Variants in BCAS3 observed in about 807,000 individuals in gnomAD.
BCAS3 encodes BCAS3 microtubule associated cell migration factor.
Under a neutral mutation model 116.1 loss-of-function variants are expected in BCAS3, and 53 were observed. That is an observed-to-expected ratio of 0.46 (90% CI 0.37 to 0.57). BCAS3 has a LOEUF of 0.57. Ranked by LOEUF, BCAS3 falls within the 20% of genes least tolerant of loss-of-function variation. The pLI is 0.00. For missense variants in BCAS3, 917 were observed against 1,165.4 expected (o/e 0.79, Z 3.10); for synonymous variants, 391 against 408.2 (o/e 0.96, Z 0.51).
intron 22 of BCAS3, among the ~76,000 whole-genome samples, chr17:61,317,044 C>G (rs1454470586): frequency 6.6e-6 from 1 of 152,152 alleles, no homozygotes; most frequent in African/African-American, 2.4e-5. Context: ...GTAGCATATA[C>G]AAAAATTCCG....
In BCAS3 at chr17:61,040,864, A is replaced by C. The variant is rs751278876; in HGVS notation, c.2001A>C (p.Val667=). 1.2e-6 allele frequency: 2 copies of C among 1,613,958 alleles called. No homozygotes were observed. Among genetic ancestry groups the C allele is most frequent in the Non-Finnish European group, 1.7e-6 (2 of 1,179,978 alleles). The change falls in exon 19 of 24, where the codon GTA becomes GTC. Residue 667 remains valine (V), a synonymous_variant. Coordinates refer to ENST00000407086, the MANE Select transcript of BCAS3 (RefSeq NM_017679.5). ...CTCTGCTCCTCGCTGCAGATGCAGTACAGTATTATCAGTTCCTGCTTGCTG... is the reference window on the plus strand; with the variant it reads ...CTCTGCTCCTCGCTGCAGATGCAGTCCAGTATTATCAGTTCCTGCTTGCTG... ...NHPLLLAADA[V]QYYQFLLAGL... is the part of the protein sequence containing the mutation.
chr17:60,783,344 A>G (rs1156903965), intron 6 of BCAS3, among the ~76,000 whole-genome samples: 1 of 152,162 alleles, frequency 6.6e-6, no homozygotes, highest in African/African-American at 2.4e-5. Context: ...AGCTGGGACT[A>G]CAGGTGCACA....
At chr17:61,240,387 A>T (rs1457606202) in intron 22 of BCAS3, among the ~76,000 whole-genome samples, 2 of 152,228 alleles carry the variant, frequency 1.3e-5, no homozygotes, top group Non-Finnish European at 2.9e-5. Flanking sequence ...ACAGTGGGTC[A>T]CACCTGTAAC....
At chr17:61,374,991 G>A (rs1378060441) in intron 23 of BCAS3, among the ~76,000 whole-genome samples, 3 of 152,176 alleles carry the variant, frequency 2.0e-5, no homozygotes, top group Non-Finnish European at 4.4e-5. Flanking sequence ...TAATTACTCT[G>A]CAGAAAAGGC....
chr17:61,070,117 A>G lies in BCAS3; in HGVS notation c.2030-4803A>G, dbSNP rs1030672956. 5.1e-6 allele frequency: 8 copies of G among 1,572,656 alleles called. No individual in the cohort carries two copies. In the African/African-American group the frequency reaches 5.4e-5, roughly 11 times the overall value. ...TGCTATCATCAAGTTTCCGCTGACC[A>G]CTGAGTCTGCCATGAAGAAGACAGA... is the stretch of plus-strand genomic sequence containing the variant. On this transcript the variant is annotated intron_variant, in intron 19 of 23. Coordinates refer to ENST00000407086, the MANE Select transcript of BCAS3 (RefSeq NM_017679.5).
Position 61,343,860 on chromosome 17 carries a change from C to T in BCAS3, c.2426-24467C>T, listed in dbSNP as rs983842092. ...TTTGCTCAGTTCTGCTCTGCAGCCCCCATGGCGACACCCTCTCTCTTTGGA... is the reference window on the plus strand; with the variant it reads ...TTTGCTCAGTTCTGCTCTGCAGCCCTCATGGCGACACCCTCTCTCTTTGGA... On this transcript the variant is annotated intron_variant, in intron 22 of 23. Coordinates refer to ENST00000407086, the MANE Select transcript of BCAS3 (RefSeq NM_017679.5). The surrounding 1 kb of genome is among the most constrained non-coding windows in gnomAD (Gnocchi z 5.5). Among the ~76,000 whole-genome samples, 1 of 152,228 alleles carries T rather than the reference C, an allele frequency of 6.6e-6. No homozygotes were observed. Among genetic ancestry groups the T allele is most frequent in the Non-Finnish European group, 1.5e-5 (1 of 68,042 alleles).
rs1005994468 is a variant in BCAS3, at chr17:61,348,285, G to A, written c.2426-20042G>A. 1.3e-5 allele frequency among the ~76,000 whole-genome samples: 2 copies of A among 152,180 alleles called. No individual in the cohort carries two copies. The highest frequency in any genetic ancestry group is 2.9e-5 in the Non-Finnish European group (2 of 68,030). ...GGATAGAGAAGGAAGAGCAAGGGCT[G>A]GAGAAGTTAGGTCATGAATTTGTTT... is the stretch of plus-strand genomic sequence containing the variant. On this transcript the variant is annotated intron_variant, in intron 22 of 23. Coordinates refer to ENST00000407086, the MANE Select transcript of BCAS3 (RefSeq NM_017679.5). This position sits in a 1 kb window ranked among gnomAD's most constrained non-coding sequence, Gnocchi z 4.5.
intron 4 of BCAS3, among the ~76,000 whole-genome samples, chr17:60,700,808 C>T (rs1484866900): frequency 6.6e-6 from 1 of 152,112 alleles, no homozygotes; most frequent in Non-Finnish European, 1.5e-5. Flanking sequence ...TTGGATTGAA[C>T]AACTTAGAGA....
At chr17:60,692,125 C>T (rs551976577) in intron 4 of BCAS3, among the ~76,000 whole-genome samples, 13 of 151,826 alleles carry the variant, frequency 8.6e-5, no homozygotes, top group African/African-American at 3.1e-4. Flanking sequence ...CCCTTACCAG[C>T]TGTCAACAAA....
intron 15 of BCAS3, among the ~76,000 whole-genome samples, chr17:61,001,130 C>T (rs963360771): frequency 1.2e-4 from 18 of 152,054 alleles, no homozygotes; most frequent in African/African-American, 4.3e-4. Context: ...ATCTTTGAGT[C>T]ACAGCTTTTG....
At position 61,145,159 on chromosome 17, in the gene BCAS3, G is replaced by A. The variant is rs899578594; in HGVS notation, c.2425+60595G>A. ...CCTTCATTCTGACTCGGAAATGGCA[G>A]CATTTTTCAAAGCTTCCTCCCACTG... On this transcript the variant is annotated intron_variant, in intron 22 of 23. Transcript: ENST00000407086. The surrounding 1 kb of genome is among the most constrained non-coding windows in gnomAD (Gnocchi z 5.0). 1.3e-5 allele frequency among the ~76,000 whole-genome samples: 2 copies of A among 152,166 alleles called. No individual in the cohort carries two copies. Among genetic ancestry groups the A allele is most frequent in the South Asian group, 2.1e-4 (1 of 4,826 alleles).
chr17:60,899,289 T>A (rs1395675411), intron 10 of BCAS3, among the ~76,000 whole-genome samples: 3 of 152,056 alleles, frequency 2.0e-5, no homozygotes, highest in Non-Finnish European at 4.4e-5. Flanking sequence ...GGCATATACC[T>A]GTCTCACCCC....
At chr17:60,678,982 G>C (rs146518964) in intron 1 of BCAS3, among the ~76,000 whole-genome samples, 377 of 152,278 alleles carry the variant, frequency 2.5e-3, no homozygotes, top group African/African-American at 8.6e-3. Context: ...CCAGCACTTT[G>C]GGAGGCTAAG....
chr17:60,818,691 A>C (rs893710827), intron 7 of BCAS3, among the ~76,000 whole-genome samples: 2 of 152,134 alleles, frequency 1.3e-5, no homozygotes, highest in African/African-American at 4.8e-5. Flanking sequence ...TTGGCACCAA[A>C]TCCAGACACC....
chr17:61,366,035 C>T lies in BCAS3; in HGVS notation c.2426-2292C>T, dbSNP rs1166518050. Among the ~76,000 whole-genome samples, 7 of 151,828 alleles carry T rather than the reference C, an allele frequency of 4.6e-5. No homozygotes were observed. Among genetic ancestry groups the T allele is most frequent in the African/African-American group, 9.7e-5 (4 of 41,394 alleles). ...GCACATGCTTGTAGTCCCAGCTACT[C>T]GGGAGGCTGAGACACGAGAATCGCC... On this transcript the variant is annotated intron_variant, in intron 22 of 23. Transcript: ENST00000407086. This position sits in a 1 kb window ranked among gnomAD's most constrained non-coding sequence, Gnocchi z 4.5.
chr17:61,380,091 G>T lies in BCAS3; in HGVS notation c.2593+11597G>T. The T allele has an allele frequency of 5.2e-6, 1 of 190,706 alleles. No homozygotes were observed. The allele number at this position is 190,706 out of a possible 1,614,324, so 11.8% of individuals were successfully genotyped here. A position where few individuals can be genotyped will look rare whatever the true frequency, so the allele number is the denominator to read the frequency against. On this transcript the variant is annotated intron_variant, in intron 23 of 23. Coordinates refer to ENST00000407086, the MANE Select transcript of BCAS3 (RefSeq NM_017679.5). This position sits in a 1 kb window ranked among gnomAD's most constrained non-coding sequence, Gnocchi z 4.2. ...TTAGTGCCCTTGAGCTGGTCTTTGT[G>T]ACCTTTCTCTAAGCAGCCCAACCAC...
At chr17:61,064,010 G>A (rs927835392) in intron 19 of BCAS3, among the ~76,000 whole-genome samples, 2 of 152,118 alleles carry the variant, frequency 1.3e-5, no homozygotes, top group African/African-American at 4.8e-5. Context: ...CTGTAAATTT[G>A]ACATTTGTTC....
chr17:60,927,682 G>A (rs917965255), intron 13 of BCAS3, among the ~76,000 whole-genome samples: 2 of 152,090 alleles, frequency 1.3e-5, no homozygotes, highest in Non-Finnish European at 2.9e-5. Flanking sequence ...GTTTCATATA[G>A]CAATCTATGA....
chr17:61,270,449 C>T (rs566668734), intron 22 of BCAS3, among the ~76,000 whole-genome samples: 1 of 151,606 alleles, frequency 6.6e-6, no homozygotes, highest in Admixed American at 6.6e-5. Flanking sequence ...TATCAGGTTG[C>T]TTTATTGTTG....
Sources: gnomAD v4.1 joint callset for allele counts (sites outside exome capture counted in the v4.1 genomes callset) on GRCh38, gnomAD v4.1.1 for gene constraint, Gnocchi (gnomAD v3.1) non-coding constraint, MANE v1.5 for transcripts, NCBI Gene and HGNC (gene_info 2026-07-23, HGNC 2026-07-21) for gene names.